The following TEX29 variants were observed in gnomAD, a reference collection of about 807,000 sequenced individuals.
The protein encoded by TEX29 is testis expressed 29.
A neutral mutation model predicts 18.2 loss-of-function variants in TEX29; 26 were observed. The ratio of observed to expected loss-of-function variants is 1.43; its 90% CI spans 1.04 to 1.98. The LOEUF (loss-of-function observed/expected upper bound fraction) is 1.98. Among genes scored for constraint, TEX29 ranks in the 30% most tolerant of loss-of-function variants. TEX29 has a pLI of 0.00. For synonymous variants in TEX29, 83 were observed against 78.5 expected (o/e 1.06, Z -0.31); for missense variants, 177 against 194.2 (o/e 0.91, Z 0.53).
chr13:111,341,907 G>T (rs1274252812), intron 4 of TEX29, among the ~76,000 whole-genome samples: 2 of 152,226 alleles, frequency 1.3e-5, no homozygotes, highest in East Asian at 3.8e-4. Flanking sequence ...GGGTCCCGAG[G>T]CTGATGGATG....
chr13:111,338,597 G>A (rs1195054952), intron 3 of TEX29, among the ~76,000 whole-genome samples: 5 of 152,192 alleles, frequency 3.3e-5, no homozygotes, highest in African/African-American at 1.2e-4. Context: ...CTTGGAAGCA[G>A]TTTAGCAGGA....
intron 2 of TEX29, among the ~76,000 whole-genome samples, chr13:111,323,107 T>C (rs1213116972): frequency 6.6e-6 from 1 of 152,234 alleles, no homozygotes; most frequent in Non-Finnish European, 1.5e-5. Flanking sequence ...CTCTGCAGCC[T>C]CTTCCCATGT....
At chr13:111,322,178 C>T (rs2093665835) in intron 2 of TEX29, among the ~76,000 whole-genome samples, 1 of 152,218 alleles carries the variant, frequency 6.6e-6, no homozygotes, top group Non-Finnish European at 1.5e-5. Context: ...CAGACTTTGT[C>T]ACACCAGGGG....
intron 4 of TEX29, among the ~76,000 whole-genome samples, chr13:111,342,097 A>G (rs2093697485): frequency 6.6e-6 from 1 of 152,184 alleles, no homozygotes. Context: ...CCGGGGGGCC[A>G]AGGAAGCAGG....
intron 3 of TEX29, among the ~76,000 whole-genome samples, chr13:111,335,217 G>A (rs549206760): frequency 3.3e-5 from 5 of 152,286 alleles, no homozygotes; most frequent in South Asian, 4.1e-4. Context: ...GCCCTAGTCC[G>A]GTTGTACATA....
At chr13:111,335,569 G>T (rs953678936) in intron 3 of TEX29, among the ~76,000 whole-genome samples, 1 of 152,210 alleles carries the variant, frequency 6.6e-6, no homozygotes, top group Non-Finnish European at 1.5e-5. Flanking sequence ...AGCAGCAGAT[G>T]CTCACAGTCG....
rs370561800 is a variant in TEX29 at position 111,320,759 on chromosome 13, G to A, written c.-38G>A. ...AGGGGACCCGCCTGGGATGTGAGGC[G>A]CAGGTGAGTCGATGAACGCCCCCTC... On this transcript the variant is annotated 5_prime_UTR_variant, in exon 1 of 6. Coordinates refer to ENST00000283547, the MANE Select transcript of TEX29 (RefSeq NM_152324.3). The A allele has an allele frequency of 3.7e-5, 40 of 1,067,160 alleles. No individual in the cohort carries two copies. Among genetic ancestry groups the A allele is most frequent in the Middle Eastern group, 4.2e-4 (2 of 4,744 alleles). 66.1% of individuals were successfully genotyped at this position (1,067,160 alleles called of 1,614,324 possible).
chr13:111,320,988 G>GGGGGGA, intron 2 of TEX29, 40 bp downstream of exon 2: 1 of 431,434 alleles, frequency 2.3e-6, no homozygotes, highest in East Asian at 6.6e-5. Context: ...TGGGGTGGGG[G>GGGGGGA]AGCAGTTGGG....
At chr13:111,329,811 C>G (rs868615227) in intron 3 of TEX29, among the ~76,000 whole-genome samples, 2 of 152,216 alleles carry the variant, frequency 1.3e-5, no homozygotes, top group Middle Eastern at 6.8e-3. Context: ...CCACAGCCCA[C>G]CTGGAGCGGG....
intron 2 of TEX29, among the ~76,000 whole-genome samples, chr13:111,322,532 G>T (rs1055173695): frequency 2.6e-5 from 4 of 152,172 alleles, no homozygotes; most frequent in African/African-American, 7.2e-5. Flanking sequence ...CTGGAGGCTG[G>T]TGCCACTTCT....
chr13:111,324,933 G>T (rs9522183), intron 2 of TEX29, among the ~76,000 whole-genome samples: 63,019 of 152,062 alleles, frequency 0.41, 15,524 homozygotes, highest in Middle Eastern at 0.56. Context: ...GGAGGTGGCT[G>T]GCGGGAAGTG....
chr13:111,339,923 T>C lies in TEX29; in HGVS notation c.230T>C (p.Ile77Thr). ...VIIAGAFVIT[I>T]IYRVIQESRK... The stretch of plus-strand genomic sequence containing the variant: ...ATCGCTGGGGCCTTCGTCATCACCA[T>C]CATCTACAGGTCGGTCCCTTTGTTC... Residue 77 changes from isoleucine to threonine, a missense_variant, in exon 4 of 6, where the codon ATC becomes ACC. Coordinates refer to ENST00000283547, the MANE Select transcript of TEX29 (RefSeq NM_152324.3). The C allele has an allele frequency of 1.9e-6, 3 of 1,602,796 alleles. No homozygotes were observed. Among genetic ancestry groups the C allele is most frequent in the South Asian group, 2.2e-5 (2 of 91,044 alleles).
intron 2 of TEX29, among the ~76,000 whole-genome samples, chr13:111,325,629 T>C (rs528113718): frequency 1.3e-5 from 2 of 152,142 alleles, no homozygotes; most frequent in Admixed American, 1.3e-4. Flanking sequence ...TGAGAGACTT[T>C]TCAGGGTCTA....
At chr13:111,342,980 C>T (rs2093699113) in intron 5 of TEX29, 49 bp downstream of exon 5, 2 of 1,594,914 alleles carry the variant, frequency 1.3e-6, no homozygotes, top group Non-Finnish European at 1.7e-6. Flanking sequence ...GGGCGTGGCT[C>T]TGTTCCCTCG....
At chr13:111,316,290 G>A (rs764582482), upstream of TEX29, 2 of 481,254 alleles carry the variant, frequency 4.2e-6, no homozygotes, top group Non-Finnish European at 4.2e-6. Context: ...AAGGAAATTA[G>A]GGATGACATC....
chr13:111,320,982 G>A, intron 2 of TEX29, 34 bp downstream of exon 2: 2 of 950,258 alleles, frequency 2.1e-6, no homozygotes, highest in South Asian at 2.9e-5. Context: ...GGCGGGTGGG[G>A]TGGGGGAGCA....
chr13:111,325,471 C>G (rs2093671348), intron 2 of TEX29, among the ~76,000 whole-genome samples: 1 of 152,220 alleles, frequency 6.6e-6, no homozygotes, highest in Admixed American at 6.5e-5. Flanking sequence ...ATCAGCCCTG[C>G]CGATCCCCCA....
chr13:111,331,628 G>C (rs1177303040), intron 3 of TEX29, among the ~76,000 whole-genome samples: 1 of 151,980 alleles, frequency 6.6e-6, no homozygotes, highest in Non-Finnish European at 1.5e-5. Flanking sequence ...AGAAACCATT[G>C]CCTAATCCAA....
intron 3 of TEX29, among the ~76,000 whole-genome samples, chr13:111,337,886 C>G (rs2093691749): frequency 6.6e-6 from 1 of 152,120 alleles, no homozygotes; most frequent in Non-Finnish European, 1.5e-5. Flanking sequence ...TATCGAGCGC[C>G]CATTGGGTAC....
Sources: gnomAD v4.1 joint callset for allele counts (sites outside exome capture counted in the v4.1 genomes callset) on GRCh38, gnomAD v4.1.1 for gene constraint, MANE v1.5 for transcripts, NCBI Gene and HGNC (gene_info 2026-07-23, HGNC 2026-07-21) for gene names.